Variants in SFXN5 observed in about 807,000 individuals in gnomAD.
SFXN5 encodes sideroflexin 5, also known as sideroflexin-5.
A neutral mutation model predicts 50.2 loss-of-function variants in SFXN5; 43 were observed. That is an observed-to-expected ratio of 0.86 (90% CI 0.67 to 1.11). The LOEUF is 1.11. Ranked by LOEUF, SFXN5 falls within the 50% of genes least tolerant of loss-of-function variation. The pLI, the probability that SFXN5 is intolerant of heterozygous loss-of-function variation, is 0.00. For synonymous variants in SFXN5, 203 were observed against 185.8 expected (o/e 1.09, Z -0.75); for missense variants, 463 against 454.1 (o/e 1.02, Z -0.18).
chr2:73,018,307 C>T (rs548233155), intron 6 of SFXN5, among the ~76,000 whole-genome samples: 1 of 151,656 alleles, frequency 6.6e-6, no homozygotes, highest in East Asian at 1.9e-4. Context: ...AAAGATGAAC[C>T]TAGAATATCC....
At chr2:73,064,792 T>C (rs1683058331) in intron 1 of SFXN5, among the ~76,000 whole-genome samples, 1 of 152,158 alleles carries the variant, frequency 6.6e-6, no homozygotes, top group South Asian at 2.1e-4. Flanking sequence ...CAAGGAATTT[T>C]TGTTTTATTT....
At chr2:73,049,712 C>G (rs1431177120) in intron 2 of SFXN5, 1 of 152,192 alleles carries the variant, frequency 6.6e-6, no homozygotes, top group East Asian at 1.9e-4. Context: ...AGCATCTCAC[C>G]CTGGCCCCCC....
At chr2:73,037,257 C>T (rs1370681300) in intron 3 of SFXN5, among the ~76,000 whole-genome samples, 1 of 152,188 alleles carries the variant, frequency 6.6e-6, no homozygotes. Flanking sequence ...TCACCCCTTC[C>T]ACGGCTCTCC....
chr2:73,007,624 G>A (rs1574100143), intron 6 of SFXN5, among the ~76,000 whole-genome samples: 1 of 152,070 alleles, frequency 6.6e-6, no homozygotes, highest in Non-Finnish European at 1.5e-5. Context: ...CCTCCACGCT[G>A]CCTCCCCACA....
intron 6 of SFXN5, among the ~76,000 whole-genome samples, chr2:73,014,934 C>G (rs1675962825): frequency 6.6e-6 from 1 of 152,034 alleles, no homozygotes; most frequent in Non-Finnish European, 1.5e-5. Context: ...AACTCTAATA[C>G]CATTGTTTAT....
intron 3 of SFXN5, among the ~76,000 whole-genome samples, chr2:73,027,721 A>T (rs1677759436): frequency 6.6e-6 from 1 of 151,596 alleles, no homozygotes; most frequent in South Asian, 2.1e-4. Context: ...GTGCAGTGGT[A>T]TCATCACAGC....
chr2:72,968,640 A>T (rs1573986507), intron 11 of SFXN5, 107 bp from the exon 12 acceptor site: 1 of 949,158 alleles, frequency 1.1e-6, no homozygotes, highest in Non-Finnish European at 1.6e-6. Flanking sequence ...GTGTGTCTGA[A>T]TGGCCTTATT....
At chr2:72,990,927 G>A (rs956456501) in intron 9 of SFXN5, among the ~76,000 whole-genome samples, 2 of 152,218 alleles carry the variant, frequency 1.3e-5, no homozygotes, top group Non-Finnish European at 2.9e-5. Flanking sequence ...CTGCAGGGAA[G>A]ATAGGGCCCT....
chr2:73,040,872 C>T lies in SFXN5; in HGVS notation c.231G>A (p.Pro77=), dbSNP rs1007506388. Residue 77 remains proline, a synonymous_variant, in exon 3 of 14, where the codon CCG becomes CCA. Transcript: ENST00000272433. ...GAGTTACCTGTTCATTGGTGACCCC[C>T]GGGCGCAGGGTCCCATGCTTATAGT... ...LEDYKHGTLR[P]GVTNEQLWSA... 5.0e-6 allele frequency: 8 copies of T among 1,612,532 alleles called. No individual in the cohort carries two copies. The highest frequency in any genetic ancestry group is 1.7e-5 in the Admixed American group (1 of 59,870).
rs569822084 is a variant in SFXN5, at chr2:72,953,588, C to A, written c.945+7543G>T. Among the ~76,000 whole-genome samples the A allele has an allele frequency of 6.6e-6, 1 of 152,126 alleles. No individual in the cohort carries two copies. Among genetic ancestry groups the A allele is most frequent in the African/African-American group, 2.4e-5 (1 of 41,418 alleles). ...GCACCAGTTCTCTGCCACAGGGACACCTTGTGTCATGGAAGGGAGAAAGGT... is the reference window on the plus strand; with the variant it reads ...GCACCAGTTCTCTGCCACAGGGACAACTTGTGTCATGGAAGGGAGAAAGGT... On this transcript the variant is annotated intron_variant, in intron 13 of 13. Coordinates refer to ENST00000272433, the MANE Select transcript of SFXN5 (RefSeq NM_144579.3). The surrounding 1 kb of genome is among the most constrained non-coding windows in gnomAD (Gnocchi z 4.1).
rs1235117400 is a variant in SFXN5, at chr2:73,059,633, ATG to A, written c.103-1039_103-1038del. ...TTCTCTCCCACCATGGCACCCCTGC[ATG>A]AAGCAACCTCTAACCCCTAATGCCA... On this transcript the variant is annotated intron_variant, in intron 1 of 13. Transcript: ENST00000272433. 7.1e-5 allele frequency: 62 copies of A among 873,066 alleles called. 2 individuals carry two copies. The East Asian group carries it at 9.0e-4, about 13-fold the overall frequency. 54.1% of individuals were successfully genotyped at this position (873,066 alleles called of 1,614,324 possible).
intron 3 of SFXN5, 133 bp from the exon 4 acceptor site, chr2:73,023,347 G>A (rs1574146611): frequency 2.4e-6 from 2 of 825,420 alleles, no homozygotes; most frequent in South Asian, 1.8e-5. Flanking sequence ...GGCTATCCTT[G>A]CCAGCCCAGG....
intron 3 of SFXN5, among the ~76,000 whole-genome samples, chr2:73,032,697 A>G (rs928915127): frequency 6.6e-6 from 1 of 152,026 alleles, no homozygotes; most frequent in African/African-American, 2.4e-5. Context: ...GCCTCCTTCC[A>G]AGCTGCTTCT....
intron 9 of SFXN5, chr2:72,998,210 A>C (rs2105667401): frequency 6.6e-6 from 1 of 152,216 alleles, no homozygotes; most frequent in Admixed American, 6.5e-5. Context: ...GGGGATCCAG[A>C]GACAGCCAGA....
Position 73,058,527 on chromosome 2 carries a change from C to A in SFXN5, c.171+1G>T. The A allele has an allele frequency of 6.2e-7, 1 of 1,614,070 alleles. No homozygotes were observed. The highest frequency in any genetic ancestry group is 1.1e-5 in the South Asian group (1 of 91,090). The stretch of plus-strand genomic sequence containing the variant: ...CCACTGAGGTGACAGCCATGACTTA[C>A]CTCAGTGACAAAGAGTGTGCGAGGG... On this transcript the variant is annotated splice_donor_variant, in intron 2 of 13. Transcript: ENST00000272433. LOFTEE classifies it high-confidence loss of function.
intron 6 of SFXN5, among the ~76,000 whole-genome samples, chr2:73,013,406 CGTGTGT>C (rs61590375): frequency 9.3e-4 from 130 of 139,804 alleles, no homozygotes; most frequent in East Asian, 1.3e-3. Flanking sequence ...AGGGATATTT[CGTGTGT>C]GTGTGTGTGT....
chr2:73,023,998 G>C (rs1410839141), intron 3 of SFXN5, among the ~76,000 whole-genome samples: 1 of 151,950 alleles, frequency 6.6e-6, no homozygotes, highest in East Asian at 1.9e-4. Context: ...ATCATGTGCC[G>C]CATACGAAAG....
chr2:73,035,078 T>C lies in SFXN5; in HGVS notation c.249+5776A>G, dbSNP rs182373656. Among the ~76,000 whole-genome samples the C allele has an allele frequency of 6.8e-4, 103 of 152,196 alleles. No individual in the cohort carries two copies. The South Asian group carries it at 6.8e-3, about 10-fold the overall frequency. ...AACCTCTCTGAGTCTCACTGGAAAA[T>C]TGGGTTGATACAGGTACCTACTGAC... On this transcript the variant is annotated intron_variant, in intron 3 of 13. Transcript: ENST00000272433.
chr2:72,968,414 T>G, intron 12 of SFXN5, 34 bp downstream of exon 12: 70 of 854,168 alleles, frequency 8.2e-5, no homozygotes, highest in Non-Finnish European at 1.1e-4. Context: ...TCCTCCCCCA[T>G]GGTGGCCTCT....
Sources: allele counts gnomAD v4.1 joint callset (sites outside exome capture counted in the v4.1 genomes callset), GRCh38; gene constraint gnomAD v4.1.1; non-coding constraint Gnocchi (gnomAD v3.1); transcripts MANE v1.5; gene names NCBI Gene and HGNC (gene_info 2026-07-23, HGNC 2026-07-21).